Variants in TEK observed in about 807,000 individuals in gnomAD.
TEK encodes angiopoietin-1 receptor.
In TEK, 43 loss-of-function variants were observed where a neutral mutation model predicts 131.8. The observed-to-expected ratio is 0.33, with a 90% CI of 0.26 to 0.42. TEK has a LOEUF of 0.42. Ranked by LOEUF, TEK falls within the 10% of genes least tolerant of loss-of-function variation. The pLI, the probability that TEK is intolerant of heterozygous loss-of-function variation, is 1.00. For synonymous variants in TEK, 580 were observed against 491.6 expected, an observed-to-expected ratio of 1.18 and a Z score of -2.38; for missense variants, 1,162 against 1,384.4, an observed-to-expected ratio of 0.84 and a Z score of 2.55.
chr9:27,110,441 A>T (rs1474926903), intron 1 of TEK, among the ~76,000 whole-genome samples: 1 of 152,128 alleles, frequency 6.6e-6, no homozygotes, highest in Non-Finnish European at 1.5e-5. Flanking sequence ...CACTCAGCCT[A>T]TGTGACATAG....
At position 27,209,244 on chromosome 9, in the gene TEK, T is replaced by C. The variant is rs763454184; in HGVS notation, c.2686+13T>C. On this transcript the variant is annotated intron_variant, in intron 16 of 22. Coordinates refer to ENST00000380036, the MANE Select transcript of TEK (RefSeq NM_000459.5). ...TGTGAACATCGAGGTAAGATGCTCT[T>C]TTCCTGTCTTTCCTGCCAGAGTTTT... 3.9e-6 allele frequency: 6 copies of C among 1,529,794 alleles called. No homozygotes were observed. The highest frequency in any genetic ancestry group is 5.4e-6 in the Non-Finnish European group (6 of 1,103,410). The allele number at this position is 1,529,794 out of a possible 1,614,324, so 94.8% of individuals were successfully genotyped here. A position where few individuals can be genotyped will look rare whatever the true frequency, so the allele number is the denominator to read the frequency against.
In TEK at chr9:27,229,293, G is replaced by A; in HGVS notation, c.*61G>A. 1 of 1,530,054 alleles carries A rather than the reference G, an allele frequency of 6.5e-7. No individual in the cohort carries two copies. The highest frequency in any genetic ancestry group is 9.1e-7 in the Non-Finnish European group (1 of 1,103,970). The allele number at this position is 1,530,054 out of a possible 1,614,324, so 94.8% of individuals were successfully genotyped here. Reference sequence around the variant, plus strand: ...CTGGCATGGGAGACCCTTGACACCTGCTGAGAAAACATGCCTCTGCCAAAG... The same window carrying A: ...CTGGCATGGGAGACCCTTGACACCTACTGAGAAAACATGCCTCTGCCAAAG... On this transcript the variant is annotated 3_prime_UTR_variant, in exon 23 of 23. Coordinates refer to ENST00000380036, the MANE Select transcript of TEK (RefSeq NM_000459.5).
At chr9:27,192,070 C>T in intron 10 of TEK, 1 of 403,342 alleles carries the variant, frequency 2.5e-6, no homozygotes, top group Non-Finnish European at 4.8e-6. Context: ...GTTTTCTGGT[C>T]ATTTTGAGCA....
chr9:27,202,297 C>T (rs1825243764), intron 12 of TEK, among the ~76,000 whole-genome samples: 1 of 152,156 alleles, frequency 6.6e-6, no homozygotes. Flanking sequence ...AGGGCAAGGA[C>T]TGACCACATG....
chr9:27,220,679 C>T (rs546240055), intron 21 of TEK, among the ~76,000 whole-genome samples: 16 of 152,300 alleles, frequency 1.1e-4, no homozygotes, highest in African/African-American at 1.9e-4. Context: ...ACCTGGGAAG[C>T]GCAAGGGGTT....
intron 10 of TEK, chr9:27,191,809 C>A (rs1213531006): frequency 2.6e-6 from 1 of 391,410 alleles, no homozygotes; most frequent in Non-Finnish European, 5.0e-6. Flanking sequence ...TAATCCATCA[C>A]CTTTGTCTAC....
intron 16 of TEK, among the ~76,000 whole-genome samples, chr9:27,212,286 G>C (rs1354070232): frequency 6.6e-6 from 1 of 152,202 alleles, no homozygotes; most frequent in African/African-American, 2.4e-5. Flanking sequence ...GGAATAGCTA[G>C]AGGCAGACTA....
intron 11 of TEK, chr9:27,195,705 G>A (rs1289417956): frequency 2.2e-6 from 1 of 455,966 alleles, no homozygotes; most frequent in Admixed American, 2.3e-5. Context: ...AAGGAAGGGA[G>A]GGAGGAAACC....
At chr9:27,159,308 G>T (rs529837051) in intron 2 of TEK, among the ~76,000 whole-genome samples, 1 of 152,120 alleles carries the variant, frequency 6.6e-6, no homozygotes, top group Non-Finnish European at 1.5e-5. Context: ...TAGACATGAG[G>T]CTCTTTGCAA....
intron 1 of TEK, among the ~76,000 whole-genome samples, chr9:27,138,124 CAG>C (rs1822565072): frequency 6.6e-6 from 1 of 152,208 alleles, no homozygotes; most frequent in African/African-American, 2.4e-5. Flanking sequence ...CAGACCCTCT[CAG>C]TGAGTGTTTC....
intron 1 of TEK, among the ~76,000 whole-genome samples, chr9:27,153,330 A>G (rs1823202517): frequency 6.6e-6 from 1 of 152,144 alleles, no homozygotes; most frequent in African/African-American, 2.4e-5. Flanking sequence ...GGCACTTGTA[A>G]TCCCAGCTAC....
chr9:27,141,874 G>C lies in TEK; in HGVS notation c.53-15957G>C, dbSNP rs146100506. On this transcript the variant is annotated intron_variant, in intron 1 of 22. Coordinates refer to ENST00000380036, the MANE Select transcript of TEK (RefSeq NM_000459.5). ...AAAAAGAAACAGGTATAATGGGTTT[G>C]GATTTTTAGTTATAACAGTCTGCAC... is the stretch of plus-strand genomic sequence containing the variant. 6.2e-4 allele frequency among the ~76,000 whole-genome samples: 95 copies of C among 152,270 alleles called. No individual in the cohort carries two copies. The East Asian group carries it at 0.017, about 27-fold the overall frequency.
chr9:27,213,314 C>T lies in TEK; in HGVS notation c.2878-170C>T, dbSNP rs115610889. On this transcript the variant is annotated intron_variant, in intron 17 of 22. Transcript: ENST00000380036. ...ATTCTTCTGCCAAGATGTGGTGTGT[C>T]ATTTGGCAGAATCCATTACCAGGGA... Among the ~76,000 whole-genome samples, 844 of 152,160 alleles carry T rather than the reference C, an allele frequency of 5.5e-3. 6 individuals are homozygous for T. Among genetic ancestry groups the T allele is most frequent in the African/African-American group, 0.019 (776 of 41,500 alleles).
Position 27,212,870 on chromosome 9 carries a change from G to C in TEK, c.2850G>C (p.Arg950=), listed in dbSNP as rs781180534. The C allele has an allele frequency of 1.9e-6, 3 of 1,613,888 alleles. No individual in the cohort carries two copies. The African/African-American group carries it at 4.0e-5, about 22-fold the overall frequency. Residue 950 remains arginine, a synonymous_variant, in exon 17 of 23, where the codon CGG becomes CGC. Transcript: ENST00000380036. ...TTCACTTCGCTGCCGACGTGGCCCG[G>C]GGCATGGACTACTTGAGCCAAAAAC... ...QLLHFAADVA[R]GMDYLSQKQF... is the part of the protein sequence containing the mutation.
intron 1 of TEK, among the ~76,000 whole-genome samples, chr9:27,149,441 T>A (rs1000190429): frequency 3.3e-5 from 5 of 151,804 alleles, no homozygotes; most frequent in Non-Finnish European, 7.4e-5. Context: ...TTGTGTTTAT[T>A]ATGTATTATA....
intron 21 of TEK, among the ~76,000 whole-genome samples, chr9:27,220,885 G>T (rs1447948121): frequency 1.3e-5 from 2 of 152,204 alleles, no homozygotes; most frequent in African/African-American, 4.8e-5. Flanking sequence ...AGCTGCAGGA[G>T]TTTCTTTTCA....
intron 1 of TEK, among the ~76,000 whole-genome samples, chr9:27,123,822 G>A (rs553623004): frequency 6.6e-6 from 1 of 152,228 alleles, no homozygotes; most frequent in African/African-American, 2.4e-5. Flanking sequence ...TGTCACCCAG[G>A]CAAAAGTGCA....
chr9:27,129,898 A>G (rs908727408), intron 1 of TEK, among the ~76,000 whole-genome samples: 1 of 152,222 alleles, frequency 6.6e-6, no homozygotes, highest in Non-Finnish European at 1.5e-5. Context: ...ATATTGTATA[A>G]TATTTTCTTC....
chr9:27,121,492 T>C (rs1369758095), intron 1 of TEK, among the ~76,000 whole-genome samples: 1 of 149,064 alleles, frequency 6.7e-6, no homozygotes, highest in African/African-American at 2.5e-5. Flanking sequence ...TAAATTTATA[T>C]ACATATTTTA....
Sources: allele counts gnomAD v4.1 joint callset (sites outside exome capture counted in the v4.1 genomes callset), GRCh38; gene constraint gnomAD v4.1.1; transcripts MANE v1.5; gene names NCBI Gene and HGNC (gene_info 2026-07-23, HGNC 2026-07-21).